AGBL1: variants seen among roughly 807,000 people sequenced by gnomAD.
AGBL1 encodes AGBL carboxypeptidase 1.
A neutral mutation model predicts 118.9 loss-of-function variants in AGBL1; 130 were observed. The ratio of observed to expected loss-of-function variants is 1.09; its 90% CI spans 0.95 to 1.26. AGBL1 has a LOEUF of 1.26. Ranked by LOEUF, AGBL1 falls within the 50% of genes most tolerant of loss-of-function variation. AGBL1 has a pLI of 0.00. For synonymous variants in AGBL1, 555 were observed against 478.9 expected (o/e 1.16, Z -2.08); for missense variants, 1,584 against 1,298.1 (o/e 1.22, Z -3.38).
chr15:86,932,779 A>C (rs2080620753), intron 23 of AGBL1: 1 of 152,166 alleles, frequency 6.6e-6, no homozygotes, highest in Non-Finnish European at 1.5e-5. Flanking sequence ...TTAACCTTTT[A>C]TGGAAGTTTT....
chr15:86,465,481 C>A (rs767216782), intron 18 of AGBL1, among the ~76,000 whole-genome samples: 7 of 152,122 alleles, frequency 4.6e-5, no homozygotes, highest in South Asian at 2.1e-4. Flanking sequence ...TGACTGCCTG[C>A]GGGGCCGGGA....
At chr15:86,719,424 A>C (rs1363343878) in intron 22 of AGBL1, among the ~76,000 whole-genome samples, 1 of 152,220 alleles carries the variant, frequency 6.6e-6, no homozygotes, top group African/African-American at 2.4e-5. Context: ...TCTAAAAAGA[A>C]AAAGAAAAAG....
intron 22 of AGBL1, among the ~76,000 whole-genome samples, chr15:86,858,105 A>G (rs1445694922): frequency 1.3e-5 from 2 of 152,198 alleles, no homozygotes; most frequent in Non-Finnish European, 2.9e-5. Flanking sequence ...TACAAATAGT[A>G]TGTAAGGCCA....
intron 22 of AGBL1, among the ~76,000 whole-genome samples, chr15:86,730,825 TTTTA>T (rs113867199): frequency 3.3e-5 from 5 of 151,948 alleles, no homozygotes; most frequent in East Asian, 1.9e-4. Flanking sequence ...TTTTATTTTA[TTTTA>T]TTTATTTATT....
intron 21 of AGBL1, among the ~76,000 whole-genome samples, chr15:86,571,190 G>A (rs1436510828): frequency 6.6e-6 from 1 of 152,114 alleles, no homozygotes; most frequent in Non-Finnish European, 1.5e-5. Context: ...TCACATCCCT[G>A]GCCCAGGGAG....
chr15:86,168,316 G>A (rs1306952548), intron 5 of AGBL1, among the ~76,000 whole-genome samples: 3 of 152,172 alleles, frequency 2.0e-5, no homozygotes, highest in Non-Finnish European at 2.9e-5. Flanking sequence ...TTGAAATAGG[G>A]AAGGAATTTC....
rs150992978 is a variant in AGBL1 at position 86,449,770 on chromosome 15, C to T, written c.2555+52224C>T. Among the ~76,000 whole-genome samples the T allele has an allele frequency of 3.5e-3, 532 of 152,284 alleles. 6 individuals carry two copies. The highest frequency in any genetic ancestry group is 0.012 in the African/African-American group (507 of 41,544). On this transcript the variant is annotated intron_variant, in intron 18 of 22. Coordinates refer to ENST00000614907, the MANE Select transcript of AGBL1 (RefSeq NM_001386094.1). ...GGCAGCCTCCTGGTGTTCAGTGAGG[C>T]AGATTCTGGGTTGTTGCATGCGTGC... is the stretch of plus-strand genomic sequence containing the variant.
chr15:86,484,913 A>G (rs2082695269), intron 18 of AGBL1, among the ~76,000 whole-genome samples: 2 of 152,150 alleles, frequency 1.3e-5, no homozygotes, highest in African/African-American at 2.4e-5. Flanking sequence ...ACTCTGTTTT[A>G]CCTTTTCTAC....
chr15:86,438,858 C>T (rs1253833323), intron 18 of AGBL1, among the ~76,000 whole-genome samples: 1 of 152,002 alleles, frequency 6.6e-6, no homozygotes, highest in Non-Finnish European at 1.5e-5. Flanking sequence ...ATCGGGGTTT[C>T]ACCATGTTGG....
chr15:86,165,474 A>T (rs144217565), intron 5 of AGBL1, among the ~76,000 whole-genome samples: 2 of 152,298 alleles, frequency 1.3e-5, no homozygotes, highest in African/African-American at 4.8e-5. Context: ...TAACTGATAG[A>T]TGAGTGAGAC....
intron 17 of AGBL1, among the ~76,000 whole-genome samples, chr15:86,361,980 A>G (rs1171865847): frequency 6.6e-6 from 1 of 152,026 alleles, no homozygotes; most frequent in East Asian, 1.9e-4. Context: ...CATTTTGTTA[A>G]TTGTTTTCCA....
intron 22 of AGBL1, among the ~76,000 whole-genome samples, chr15:86,896,810 T>A (rs1215724962): frequency 6.6e-6 from 1 of 152,308 alleles, no homozygotes; most frequent in South Asian, 2.1e-4. Context: ...CAGATTATCC[T>A]TAGTTATATG....
rs528995727 is a variant in AGBL1, at chr15:86,220,032, A to G, written c.489-4882A>G. Among the ~76,000 whole-genome samples, 32 of 144,332 alleles carry G rather than the reference A, an allele frequency of 2.2e-4. 1 individual carries two copies. Among genetic ancestry groups the G allele is most frequent in the African/African-American group, 8.2e-4 (32 of 39,228 alleles). The allele number at this position is 144,332 out of a possible 152,430, so 94.7% of individuals were successfully genotyped here. A position where few individuals can be genotyped will look rare whatever the true frequency, so the allele number is the denominator to read the frequency against. On this transcript the variant is annotated intron_variant, in intron 5 of 22. Transcript: ENST00000614907. ...AGTGGCACAATCTTGGTTCACTGCA[A>G]CCTCTACTGCCTGGGTTCAAGCAAT...
intron 17 of AGBL1, among the ~76,000 whole-genome samples, chr15:86,388,912 C>A (rs1180974014): frequency 6.6e-6 from 1 of 152,158 alleles, no homozygotes; most frequent in Non-Finnish European, 1.5e-5. Context: ...TGTTTACATA[C>A]AATCCCACAC....
chr15:86,584,116 T>G (rs1322440970), intron 21 of AGBL1, among the ~76,000 whole-genome samples: 2 of 152,156 alleles, frequency 1.3e-5, no homozygotes, highest in African/African-American at 4.8e-5. Context: ...TGCAAATACT[T>G]TTTGCCATTC....
chr15:86,498,157 A>G (rs1174729652), intron 18 of AGBL1, among the ~76,000 whole-genome samples: 1 of 151,944 alleles, frequency 6.6e-6, no homozygotes, highest in African/African-American at 2.4e-5. Context: ...GAGACATAAC[A>G]CATTAACTTA....
At chr15:86,690,727 A>T (rs967909030) in intron 22 of AGBL1, among the ~76,000 whole-genome samples, 1 of 152,166 alleles carries the variant, frequency 6.6e-6, no homozygotes, top group Non-Finnish European at 1.5e-5. Context: ...TAGTCACCAT[A>T]GAAAATTATG....
At chr15:86,327,593 A>G (rs907913862) in intron 17 of AGBL1, among the ~76,000 whole-genome samples, 4 of 152,224 alleles carry the variant, frequency 2.6e-5, no homozygotes, top group South Asian at 4.1e-4. Flanking sequence ...GTGTTTGTAT[A>G]TGCAGTGTTT....
intron 1 of AGBL1, among the ~76,000 whole-genome samples, chr15:86,125,750 C>A (rs1051903029): frequency 6.6e-6 from 1 of 152,156 alleles, no homozygotes; most frequent in African/African-American, 2.4e-5. Context: ...TGGAAAGGAT[C>A]AAAGTCAAAA....
Sources: gnomAD v4.1 joint callset for allele counts (sites outside exome capture counted in the v4.1 genomes callset) on GRCh38, gnomAD v4.1.1 for gene constraint, MANE v1.5 for transcripts, NCBI Gene and HGNC (gene_info 2026-07-23, HGNC 2026-07-21) for gene names.